GALNTL6: variants seen among roughly 807,000 people sequenced by gnomAD.
GALNTL6 encodes the protein polypeptide N-acetylgalactosaminyltransferase-like 6.
Under a neutral mutation model 73.7 loss-of-function variants are expected in GALNTL6, and 46 were observed. That is an observed-to-expected ratio of 0.62 (90% CI 0.49 to 0.80). The LOEUF is 0.80. Among genes scored for constraint, GALNTL6 ranks in the 30% least tolerant of loss-of-function variants. The pLI is 0.00. For missense variants in GALNTL6, 604 were observed against 755.0 expected, an observed-to-expected ratio of 0.80 and a Z score of 2.34; for synonymous variants, 259 against 263.7, an observed-to-expected ratio of 0.98 and a Z score of 0.17.
chr4:172,530,575 G>A (rs1191657943), intron 5 of GALNTL6, among the ~76,000 whole-genome samples: 1 of 152,180 alleles, frequency 6.6e-6, no homozygotes, highest in African/African-American at 2.4e-5. Context: ...AATCAGGATA[G>A]TAGTGTTCCC....
At chr4:172,305,481 A>G (rs1306398928) in intron 3 of GALNTL6, among the ~76,000 whole-genome samples, 4 of 152,166 alleles carry the variant, frequency 2.6e-5, no homozygotes, top group Admixed American at 1.3e-4. Context: ...TTTACATTTG[A>G]TAATAGTAAA....
intron 10 of GALNTL6, among the ~76,000 whole-genome samples, chr4:172,953,719 C>T (rs1041606849): frequency 2.0e-5 from 3 of 152,244 alleles, no homozygotes; most frequent in African/African-American, 7.2e-5. Flanking sequence ...CCTGCCACTA[C>T]ACCCTCCATC....
chr4:172,411,233 A>G (rs1354255655), intron 5 of GALNTL6, among the ~76,000 whole-genome samples: 1 of 152,114 alleles, frequency 6.6e-6, no homozygotes, highest in Non-Finnish European at 1.5e-5. Context: ...GTGAAGATTT[A>G]TATGACCACT....
chr4:172,811,006 C>A (rs909207539), intron 6 of GALNTL6, among the ~76,000 whole-genome samples: 1 of 151,866 alleles, frequency 6.6e-6, no homozygotes, highest in African/African-American at 2.4e-5. Flanking sequence ...TAAGAGAAAC[C>A]CACAACCCAC....
At chr4:172,371,839 G>A (rs528870811) in intron 5 of GALNTL6, among the ~76,000 whole-genome samples, 1 of 152,200 alleles carries the variant, frequency 6.6e-6, no homozygotes, top group South Asian at 2.1e-4. Flanking sequence ...TTCAGCAGTG[G>A]AAGACTGCCA....
chr4:171,948,585 T>A (rs1480934752), intron 2 of GALNTL6, among the ~76,000 whole-genome samples: 1 of 152,150 alleles, frequency 6.6e-6, no homozygotes, highest in East Asian at 1.9e-4. Flanking sequence ...AAATAAAATT[T>A]GAAATATATG....
chr4:171,872,366 T>A (rs1046643918), intron 2 of GALNTL6, among the ~76,000 whole-genome samples: 5 of 152,176 alleles, frequency 3.3e-5, no homozygotes, highest in African/African-American at 1.2e-4. Context: ...TGGCAGTTTT[T>A]ATAAAATTTC....
intron 3 of GALNTL6, among the ~76,000 whole-genome samples, chr4:172,289,134 G>GT (rs768967463): frequency 2.5e-4 from 38 of 151,790 alleles, no homozygotes; most frequent in Non-Finnish European, 5.1e-4. Context: ...TCATTTCATT[G>GT]TTTTTGATGT....
At chr4:172,430,620 T>C (rs1050256657) in intron 5 of GALNTL6, among the ~76,000 whole-genome samples, 3 of 151,936 alleles carry the variant, frequency 2.0e-5, no homozygotes, top group African/African-American at 7.3e-5. Context: ...CATAATGAGA[T>C]CGTATCTCTA....
At chr4:172,661,730 T>C (rs932717530) in intron 5 of GALNTL6, among the ~76,000 whole-genome samples, 5 of 152,216 alleles carry the variant, frequency 3.3e-5, no homozygotes, top group South Asian at 2.1e-4. Context: ...CAAGCTCCAG[T>C]AATGTTCCAG....
At chr4:172,397,715 T>C (rs543119549) in intron 5 of GALNTL6, among the ~76,000 whole-genome samples, 25 of 152,122 alleles carry the variant, frequency 1.6e-4, no homozygotes, top group African/African-American at 5.8e-4. Context: ...GTAGCTGAGA[T>C]GACAGGCATG....
At chr4:172,768,407 A>G (rs890688217) in intron 5 of GALNTL6, among the ~76,000 whole-genome samples, 2 of 152,220 alleles carry the variant, frequency 1.3e-5, no homozygotes, top group African/African-American at 4.8e-5. Context: ...GACCTCAGCC[A>G]GTATCCAGGC....
intron 3 of GALNTL6, among the ~76,000 whole-genome samples, chr4:172,287,109 A>G (rs1739284914): frequency 6.6e-6 from 1 of 152,236 alleles, no homozygotes; most frequent in Non-Finnish European, 1.5e-5. Flanking sequence ...GCCATTTACT[A>G]TCATCCATCC....
At chr4:172,355,071 A>G (rs1276365713) in intron 5 of GALNTL6, among the ~76,000 whole-genome samples, 1 of 152,056 alleles carries the variant, frequency 6.6e-6, no homozygotes, top group Non-Finnish European at 1.5e-5. Flanking sequence ...GGATTTTGAG[A>G]TACTATAGAA....
At chr4:172,347,466 C>A (rs1283930036) in intron 4 of GALNTL6, among the ~76,000 whole-genome samples, 1 of 152,172 alleles carries the variant, frequency 6.6e-6, no homozygotes, top group Non-Finnish European at 1.5e-5. Flanking sequence ...GTGCAACATT[C>A]TGAATATTGA....
At chr4:171,968,570 C>G (rs139547476) in intron 2 of GALNTL6, among the ~76,000 whole-genome samples, 1 of 152,088 alleles carries the variant, frequency 6.6e-6, no homozygotes, top group South Asian at 2.1e-4. Context: ...CTGCAAAGAC[C>G]CTATTTCCAA....
chr4:172,285,374 T>C (rs952170388), intron 3 of GALNTL6, among the ~76,000 whole-genome samples: 3 of 152,168 alleles, frequency 2.0e-5, no homozygotes, highest in East Asian at 1.9e-4. Context: ...ATAAATTACA[T>C]TGATACCTAA....
intron 4 of GALNTL6, among the ~76,000 whole-genome samples, chr4:172,336,801 A>T (rs1421174054): frequency 1.3e-5 from 2 of 152,038 alleles, no homozygotes; most frequent in Non-Finnish European, 2.9e-5. Flanking sequence ...TTTCTTTGTT[A>T]GTTTTCTGCC....
rs567766264 is a variant in GALNTL6, at chr4:172,546,016, A to AAT, written c.553+197328_553+197329dup. ...TACAATGTGCTAAGGTGTTATTTTGAATGTTTTAAATACATGTGTATATAT... is the reference window on the plus strand; with the variant it reads ...TACAATGTGCTAAGGTGTTATTTTGAATATGTTTTAAATACATGTGTATATAT... On this transcript the variant is annotated intron_variant, in intron 5 of 12. Transcript: ENST00000506823. Among the ~76,000 whole-genome samples the AAT allele has an allele frequency of 2.6e-4, 40 of 152,292 alleles. No homozygotes were observed. The South Asian group carries it at 8.1e-3, about 31-fold the overall frequency.
Sources: allele counts gnomAD v4.1 joint callset (sites outside exome capture counted in the v4.1 genomes callset), GRCh38; gene constraint gnomAD v4.1.1; transcripts MANE v1.5; gene names NCBI Gene and HGNC (gene_info 2026-07-23, HGNC 2026-07-21).